Variants in DIAPH3 observed in about 807,000 individuals in gnomAD.
The protein encoded by DIAPH3 is diaphanous related formin 3.
DIAPH3 carries 117 observed loss-of-function variants against 144.3 expected under a neutral mutation model. The observed-to-expected ratio is 0.81, with a 90% CI of 0.70 to 0.95. The LOEUF (loss-of-function observed/expected upper bound fraction) is 0.95. Ranked by LOEUF, DIAPH3 falls within the 40% of genes least tolerant of loss-of-function variation. The pLI is 0.00. For missense variants in DIAPH3, 1,421 were observed against 1,412.7 expected (o/e 1.01, Z -0.09); for synonymous variants, 519 against 488.9 (o/e 1.06, Z -0.81).
chr13:60,068,356 G>T (rs1356990227), intron 4 of DIAPH3, among the ~76,000 whole-genome samples: 1 of 152,142 alleles, frequency 6.6e-6, no homozygotes, highest in Non-Finnish European at 1.5e-5. Flanking sequence ...TTCTCCACTA[G>T]AAAAGTAAAG....
chr13:60,136,806 G>A (rs1294267184), intron 1 of DIAPH3, among the ~76,000 whole-genome samples: 1 of 152,184 alleles, frequency 6.6e-6, no homozygotes, highest in South Asian at 2.1e-4. Flanking sequence ...CGGGCGTGGT[G>A]GCGGGTGCCT....
intron 3 of DIAPH3, among the ~76,000 whole-genome samples, chr13:60,094,659 C>A (rs1231330603): frequency 6.6e-6 from 1 of 152,166 alleles, no homozygotes; most frequent in Non-Finnish European, 1.5e-5. Flanking sequence ...GACTTTGGAT[C>A]ACCTATGGAG....
intron 27 of DIAPH3, among the ~76,000 whole-genome samples, chr13:59,686,362 T>C (rs943832920): frequency 6.6e-6 from 1 of 152,026 alleles, no homozygotes; most frequent in African/African-American, 2.4e-5. Context: ...CCTTTTATCT[T>C]ACACTGTAAG....
At chr13:59,878,508 T>C (rs758381301) in intron 21 of DIAPH3, among the ~76,000 whole-genome samples, 2 of 152,130 alleles carry the variant, frequency 1.3e-5, no homozygotes, top group Non-Finnish European at 1.5e-5. Context: ...AAGAAAAAGG[T>C]TTTCTTCTGA....
intron 27 of DIAPH3, among the ~76,000 whole-genome samples, chr13:59,772,274 C>T (rs978896096): frequency 2.4e-4 from 37 of 152,018 alleles, no homozygotes; most frequent in African/African-American, 8.9e-4. Context: ...AATAAATCTA[C>T]ATACACACAA....
At chr13:59,846,012 C>G (rs1326842300) in intron 22 of DIAPH3, among the ~76,000 whole-genome samples, 1 of 152,074 alleles carries the variant, frequency 6.6e-6, no homozygotes, top group Admixed American at 6.6e-5. Flanking sequence ...TTAAATATCC[C>G]AGACATTAAA....
chr13:59,947,604 C>A (rs1415337206), intron 17 of DIAPH3, among the ~76,000 whole-genome samples: 1 of 151,922 alleles, frequency 6.6e-6, no homozygotes, highest in Non-Finnish European at 1.5e-5. Flanking sequence ...ATGGTGTACA[C>A]CTGTAGACCC....
At chr13:59,706,129 A>G (rs2034409896) in intron 27 of DIAPH3, among the ~76,000 whole-genome samples, 1 of 152,098 alleles carries the variant, frequency 6.6e-6, no homozygotes, top group Non-Finnish European at 1.5e-5. Context: ...AATCACCTCT[A>G]GATTTACTTC....
intron 20 of DIAPH3, among the ~76,000 whole-genome samples, chr13:59,899,062 A>G (rs1324999329): frequency 6.6e-6 from 1 of 152,124 alleles, no homozygotes; most frequent in Non-Finnish European, 1.5e-5. Flanking sequence ...ATCAGACTCC[A>G]AGTTCTTCAG....
intron 22 of DIAPH3, among the ~76,000 whole-genome samples, chr13:59,844,400 A>G (rs1223697462): frequency 6.6e-6 from 1 of 151,470 alleles, no homozygotes; most frequent in Non-Finnish European, 1.5e-5. Context: ...CCTACTCAGG[A>G]GGTTGAGGCA....
At chr13:60,108,100 C>T (rs2058468697) in intron 3 of DIAPH3, among the ~76,000 whole-genome samples, 1 of 152,064 alleles carries the variant, frequency 6.6e-6, no homozygotes, top group African/African-American at 2.4e-5. Flanking sequence ...TAGGAAGCTG[C>T]ACTTAACAGA....
intron 1 of DIAPH3, among the ~76,000 whole-genome samples, chr13:60,155,022 A>G (rs1951954445): frequency 1.3e-5 from 2 of 152,222 alleles, no homozygotes; most frequent in African/African-American, 4.8e-5. Flanking sequence ...TTTATAAGGC[A>G]ATAAATATAT....
intron 9 of DIAPH3, among the ~76,000 whole-genome samples, chr13:60,006,957 C>A (rs533949961): frequency 3.5e-4 from 53 of 152,266 alleles, no homozygotes; most frequent in African/African-American, 1.3e-3. Flanking sequence ...CGAAGAGAAC[C>A]AAATCACAAC....
intron 21 of DIAPH3, among the ~76,000 whole-genome samples, chr13:59,877,444 T>C (rs563285170): frequency 6.6e-6 from 1 of 152,262 alleles, no homozygotes; most frequent in South Asian, 2.1e-4. Flanking sequence ...AATAACTTTA[T>C]GCAATGATGG....
chr13:59,936,260 T>C (rs4886198), intron 17 of DIAPH3, among the ~76,000 whole-genome samples: 84,038 of 151,956 alleles, frequency 0.55, 23,769 homozygotes, highest in Admixed American at 0.6. Context: ...TAATCCTATA[T>C]GAAATTAAAA....
At chr13:60,156,512 A>G (rs1025087774) in intron 1 of DIAPH3, among the ~76,000 whole-genome samples, 3 of 152,260 alleles carry the variant, frequency 2.0e-5, no homozygotes, top group Non-Finnish European at 4.4e-5. Flanking sequence ...ATGGGCCCAA[A>G]GAAGAGATGA....
chr13:59,834,229 A>G (rs1261361773), intron 23 of DIAPH3, among the ~76,000 whole-genome samples: 1 of 151,738 alleles, frequency 6.6e-6, no homozygotes, highest in African/African-American at 2.4e-5. Context: ...GCAGTCAGAT[A>G]TAACATCACT....
At chr13:59,803,606 T>C (rs1358201680) in intron 25 of DIAPH3, among the ~76,000 whole-genome samples, 1 of 152,110 alleles carries the variant, frequency 6.6e-6, no homozygotes, top group Non-Finnish European at 1.5e-5. Flanking sequence ...AAAAAAATAA[T>C]CACTTTCAAA....
At position 59,903,785 on chromosome 13, in the gene DIAPH3, A is replaced by G. The variant is rs141822661; in HGVS notation, c.2367+7950T>C. On this transcript the variant is annotated intron_variant, in intron 20 of 27. Coordinates refer to ENST00000400324, the MANE Select transcript of DIAPH3 (RefSeq NM_001042517.2). ...CTGTTTTCATTTTATTGTTCTTGCTATACTTTTTCCATCCTTTCTGTTCAT... is the reference window on the plus strand; with the variant it reads ...CTGTTTTCATTTTATTGTTCTTGCTGTACTTTTTCCATCCTTTCTGTTCAT... Among the ~76,000 whole-genome samples, 558 of 152,310 alleles carry G rather than the reference A, an allele frequency of 3.7e-3. 3 individuals are homozygous for G. The highest frequency in any genetic ancestry group is 0.013 in the African/African-American group (524 of 41,556).
Sources: allele counts gnomAD v4.1 joint callset (sites outside exome capture counted in the v4.1 genomes callset), GRCh38; gene constraint gnomAD v4.1.1; transcripts MANE v1.5; gene names NCBI Gene and HGNC (gene_info 2026-07-23, HGNC 2026-07-21).